MUSK: variants seen among roughly 807,000 people sequenced by gnomAD.
MUSK encodes muscle associated receptor tyrosine kinase, also known as muscle, skeletal receptor tyrosine-protein kinase.
MUSK carries 55 observed loss-of-function variants against 88.7 expected under a neutral mutation model. The observed-to-expected ratio is 0.62, with a 90% CI of 0.50 to 0.78. MUSK has a LOEUF of 0.78. Among genes scored for constraint, MUSK ranks in the 30% least tolerant of loss-of-function variants. The probability of loss-of-function intolerance (pLI) is 0.00; values close to 1 mark genes in which losing one functional copy is unlikely to be tolerated. For missense variants in MUSK, 1,015 were observed against 1,074.3 expected (o/e 0.94, Z 0.77); for synonymous variants, 387 against 391.9 (o/e 0.99, Z 0.15).
intron 7 of MUSK, among the ~76,000 whole-genome samples, chr9:110,752,563 C>A (rs1403146004): frequency 6.6e-6 from 1 of 152,214 alleles, no homozygotes; most frequent in African/African-American, 2.4e-5. Context: ...CTCATTTAAC[C>A]ATCTCCATCC....
chr9:110,668,890 G>A lies in MUSK; in HGVS notation c.-15G>A. On this transcript the variant is annotated 5_prime_UTR_variant, in exon 1 of 15. Transcript: ENST00000374448. ...GTCCAGAAGGAACTTCGTCCTGCGT[G>A]AGCCTGGATTAATCATGAGAGAGCT... The A allele has an allele frequency of 6.2e-7, 1 of 1,610,032 alleles. No individual in the cohort carries two copies. The highest frequency in any genetic ancestry group is 8.5e-7 in the Non-Finnish European group (1 of 1,176,382).
intron 6 of MUSK, among the ~76,000 whole-genome samples, chr9:110,740,381 G>A (rs76607521): frequency 2.7e-3 from 414 of 152,266 alleles, no homozygotes; most frequent in African/African-American, 9.6e-3. Flanking sequence ...TTATCTCCCT[G>A]TATTCTCACA....
intron 1 of MUSK, among the ~76,000 whole-genome samples, chr9:110,669,759 T>C (rs948469747): frequency 4.6e-5 from 7 of 152,224 alleles, no homozygotes; most frequent in African/African-American, 1.7e-4. Context: ...CTGGAAAGTC[T>C]GTGATTTGCA....
Position 110,801,277 on chromosome 9 carries a change from A to G in MUSK, c.*289A>G. The G allele has an allele frequency of 7.6e-6, 2 of 262,164 alleles. No homozygotes were observed. The highest frequency in any genetic ancestry group is 1.4e-5 in the Non-Finnish European group (2 of 138,474). The allele number at this position is 262,164 out of a possible 1,614,324, so 16.2% of individuals were successfully genotyped here. A position where few individuals can be genotyped will look rare whatever the true frequency, so the allele number is the denominator to read the frequency against. On this transcript the variant is annotated 3_prime_UTR_variant, in exon 15 of 15. Transcript: ENST00000374448. The stretch of plus-strand genomic sequence containing the variant: ...TACACACTGCACAGGGAAGAATGTC[A>G]TCCTGTTCAGTTTCCAAAGTAGCTG...
chr9:110,684,834 A>G (rs2131663502), intron 2 of MUSK, among the ~76,000 whole-genome samples: 1 of 152,164 alleles, frequency 6.6e-6, no homozygotes, highest in Non-Finnish European at 1.5e-5. Context: ...GTATCCTGCA[A>G]CTTCATTGAA....
chr9:110,705,653 AG>A (rs1045566080), intron 5 of MUSK, among the ~76,000 whole-genome samples: 1 of 152,238 alleles, frequency 6.6e-6, no homozygotes, highest in African/African-American at 2.4e-5. Flanking sequence ...TACAGCATAA[AG>A]GGAAAAGTAA....
At chr9:110,734,631 GTAA>G (rs1335674279) in intron 6 of MUSK, among the ~76,000 whole-genome samples, 2 of 152,050 alleles carry the variant, frequency 1.3e-5, no homozygotes, top group African/African-American at 4.8e-5. Flanking sequence ...ATGGGAAGTG[GTAA>G]TAATATCTTC....
In MUSK at chr9:110,715,918, C is replaced by T. The variant is rs145616196; in HGVS notation, c.629-18333C>T. ...TTGTCACTTATAAGTGGGAGCTGAA[C>T]GATGAGAACACATGGACACATGGGG... On this transcript the variant is annotated intron_variant, in intron 5 of 14. Transcript: ENST00000374448. 2.8e-4 allele frequency among the ~76,000 whole-genome samples: 42 copies of T among 149,296 alleles called. 1 individual carries two copies. Among genetic ancestry groups the T allele is most frequent in the Non-Finnish European group, 5.9e-4 (40 of 67,860 alleles).
At position 110,771,619 on chromosome 9, in the gene MUSK, A is replaced by G. The variant is rs187351221; in HGVS notation, c.1184+3536A>G. ...ATTGCAGCTTTTATTTGTGTGGTTG[A>G]GATGGAAATAGTTATGTGAAGAAGT... is the stretch of plus-strand genomic sequence containing the variant. On this transcript the variant is annotated intron_variant, in intron 9 of 14. Coordinates refer to ENST00000374448, the MANE Select transcript of MUSK (RefSeq NM_005592.4). Among the ~76,000 whole-genome samples the G allele has an allele frequency of 1.2e-3, 186 of 152,220 alleles. 3 individuals carry two copies. Among genetic ancestry groups the G allele is most frequent in the Admixed American group, 7.8e-4 (12 of 15,288 alleles).
chr9:110,682,651 T>C, intron 1 of MUSK, 23 bp from the exon 2 acceptor site: 14 of 1,608,028 alleles, frequency 8.7e-6, no homozygotes, highest in Non-Finnish European at 1.2e-5. Flanking sequence ...AATGTTCTCT[T>C]TTGATTTCTC....
In MUSK at chr9:110,700,515, T is replaced by G. The variant is rs2076487687; in HGVS notation, c.628+3049T>G. Among the ~76,000 whole-genome samples, 3 of 152,264 alleles carry G rather than the reference T, an allele frequency of 2.0e-5. No individual in the cohort carries two copies. In the South Asian group the frequency reaches 6.2e-4, roughly 32 times the overall value. ...AAAATAGACAGGAGGTATTGACAAA[T>G]TTTTTGATAAATTTTTCAGAGAAAA... On this transcript the variant is annotated intron_variant, in intron 5 of 14. Coordinates refer to ENST00000374448, the MANE Select transcript of MUSK (RefSeq NM_005592.4).
In MUSK at chr9:110,800,874, C is replaced by T. The variant is rs776672339; in HGVS notation, c.2496C>T (p.Tyr832=). The change falls in exon 15 of 15, where the codon TAC becomes TAT. Residue 832 remains tyrosine (Y), a synonymous_variant. Coordinates refer to ENST00000374448, the MANE Select transcript of MUSK (RefSeq NM_005592.4). ...CTGAGAACTGCCCCGTGGAGCTGTACAATCTCATGCGTCTATGTTGGAGCA... is the reference window on the plus strand; with the variant it reads ...CTGAGAACTGCCCCGTGGAGCTGTATAATCTCATGCGTCTATGTTGGAGCA... ...SCPENCPVEL[Y]NLMRLCWSKL... The T allele has an allele frequency of 3.8e-6, 6 of 1,586,828 alleles. No individual in the cohort carries two copies. In the South Asian group the frequency reaches 6.9e-5, roughly 18 times the overall value.
At position 110,734,332 on chromosome 9, in the gene MUSK, G is replaced by T. The variant is rs1283346544; in HGVS notation, c.710G>T (p.Gly237Val). Residue 237 changes from glycine (G) to valine (V), a missense_variant, in exon 6 of 15, where the codon GGC becomes GTC. By Grantham distance (109) the Gly-to-Val change is moderately radical (BLOSUM62 -3). Coordinates refer to ENST00000374448, the MANE Select transcript of MUSK (RefSeq NM_005592.4). Reference sequence around the variant, plus strand: ...GTGACCCTGCACTGTACAGCAACAGGCATTCCTGTCCCCACCATCACCTGG... The same window carrying T: ...GTGACCCTGCACTGTACAGCAACAGTCATTCCTGTCCCCACCATCACCTGG... Reference protein sequence around the residue: ...SFVTLHCTATGIPVPTITWIE... With the variant: ...SFVTLHCTATVIPVPTITWIE... 6.2e-7 allele frequency: 1 copy of T among 1,613,088 alleles called. No homozygotes were observed. Among genetic ancestry groups the T allele is most frequent in the Non-Finnish European group, 8.5e-7 (1 of 1,179,460 alleles).
In MUSK at chr9:110,761,923, A is replaced by C. The variant is rs2077408062; in HGVS notation, c.914-279A>C. ...GTCCCTGGGTAGCTAATGGAGGGAA[A>C]TTCTGAGCTTAGATATTGCCTTGGT... On this transcript the variant is annotated intron_variant, in intron 7 of 14. Transcript: ENST00000374448. 3.0e-6 allele frequency: 3 copies of C among 985,144 alleles called. No homozygotes were observed. In the African/African-American group the frequency reaches 5.2e-5, roughly 17 times the overall value. 61.0% of individuals were successfully genotyped at this position (985,144 alleles called of 1,614,324 possible).
chr9:110,699,496 G>T (rs944486948), intron 5 of MUSK, among the ~76,000 whole-genome samples: 7 of 152,118 alleles, frequency 4.6e-5, no homozygotes, highest in Admixed American at 2.6e-4. Context: ...TAACAAATTT[G>T]CTTTGGCTCT....
Position 110,800,745 on chromosome 9 carries a change from C to A in MUSK, c.2367C>A (p.Gly789=). ...YTTESDVWAY[G]VVLWEIFSYG... ...CAGAGTCTGATGTGTGGGCCTATGG[C>A]GTGGTCCTCTGGGAGATCTTCTCCT... is the stretch of plus-strand genomic sequence containing the variant. The change falls in exon 15 of 15, where the codon GGC becomes GGA. Residue 789 remains glycine, a synonymous_variant. Coordinates refer to ENST00000374448, the MANE Select transcript of MUSK (RefSeq NM_005592.4). The A allele has an allele frequency of 1.2e-6, 2 of 1,613,988 alleles. No individual in the cohort carries two copies. Among genetic ancestry groups the A allele is most frequent in the Non-Finnish European group, 1.7e-6 (2 of 1,179,892 alleles).
At chr9:110,672,195 C>G in intron 1 of MUSK, among the ~76,000 whole-genome samples, 1 of 152,172 alleles carries the variant, frequency 6.6e-6, no homozygotes, top group Admixed American at 6.5e-5. Context: ...ATTTCAAGAT[C>G]TCTTTAAACT....
Position 110,695,526 on chromosome 9 carries a change from T to C in MUSK, c.482T>C (p.Leu161Pro). The part of the protein sequence containing the change: ...SVSWIKGDSP[L>P]RENSRIAVLE... ...TCTTGGATAAAGGGAGACAGCCCTCTCAGGGTAAGTGGTTATGATGTTAAA... is the reference window on the plus strand; with the variant it reads ...TCTTGGATAAAGGGAGACAGCCCTCCCAGGGTAAGTGGTTATGATGTTAAA... The change falls in exon 4 of 15, where the codon CTC (leucine) becomes CCC (proline). Residue 161 changes from leucine to proline, a missense_variant. Physicochemically the swap from Leu to Pro is moderately conservative, Grantham distance 98. Transcript: ENST00000374448. 3 of 1,554,220 alleles carry C rather than the reference T, an allele frequency of 1.9e-6. No individual in the cohort carries two copies. The highest frequency in any genetic ancestry group is 2.6e-6 in the Non-Finnish European group (3 of 1,147,484).
At chr9:110,691,907 G>A (rs917446631) in intron 3 of MUSK, among the ~76,000 whole-genome samples, 2 of 152,086 alleles carry the variant, frequency 1.3e-5, no homozygotes, top group Non-Finnish European at 2.9e-5. Context: ...TTTGCTGCAT[G>A]CAGAATGAGA....
Sources: gnomAD v4.1 joint callset for allele counts (sites outside exome capture counted in the v4.1 genomes callset) on GRCh38, gnomAD v4.1.1 for gene constraint, MANE v1.5 for transcripts, NCBI Gene and HGNC (gene_info 2026-07-23, HGNC 2026-07-21) for gene names.